The following HYDIN variants were observed in gnomAD, a reference collection of about 807,000 sequenced individuals.
HYDIN encodes axonemal central pair apparatus protein HYDIN.
HYDIN carries 132 observed loss-of-function variants against 403.9 expected under a neutral mutation model. The ratio of observed to expected loss-of-function variants is 0.33; its 90% CI spans 0.28 to 0.38. HYDIN has a LOEUF of 0.38. Ranked by LOEUF, HYDIN falls within the 10% of genes least tolerant of loss-of-function variation. The pLI is 1.00. For missense variants in HYDIN, 2,827 were observed against 5,009.5 expected (o/e 0.56, Z 13.15); for synonymous variants, 1,202 against 1,891.7 (o/e 0.64, Z 9.46).
chr16:70,837,465 G>A (rs2143531182), intron 77 of HYDIN, among the ~76,000 whole-genome samples: 1 of 152,248 alleles, frequency 6.6e-6, no homozygotes, highest in Non-Finnish European at 1.5e-5. Context: ...ATACAGTAAA[G>A]TTTGGTATTG....
intron 45 of HYDIN, among the ~76,000 whole-genome samples, chr16:70,929,032 G>A (rs1027228857): frequency 1.3e-5 from 2 of 152,162 alleles, no homozygotes; most frequent in African/African-American, 4.8e-5. Flanking sequence ...GCTCACACCT[G>A]TAATCCCAGC....
At chr16:70,855,680 T>C (rs577970402) in intron 72 of HYDIN, among the ~76,000 whole-genome samples, 2 of 152,404 alleles carry the variant, frequency 1.3e-5, no homozygotes, top group Non-Finnish European at 2.9e-5. Flanking sequence ...AATAGACCTT[T>C]GGTATTGGCA....
intron 14 of HYDIN, among the ~76,000 whole-genome samples, chr16:71,068,695 C>T (rs896289460): frequency 1.3e-5 from 2 of 152,192 alleles, no homozygotes; most frequent in African/African-American, 4.8e-5. Context: ...AGGCAAAGCA[C>T]TATCCTGATT....
chr16:71,011,475 G>C (rs1383438451), intron 23 of HYDIN, among the ~76,000 whole-genome samples: 1 of 151,816 alleles, frequency 6.6e-6, no homozygotes, highest in Non-Finnish European at 1.5e-5. Context: ...GGGAGACTGA[G>C]GTAGGAGGAT....
intron 61 of HYDIN, 40 bp downstream of exon 61, chr16:70,879,565 C>G (rs1449739737): frequency 3.2e-5 from 51 of 1,608,456 alleles, no homozygotes; most frequent in Non-Finnish European, 4.2e-5. Flanking sequence ...GGCCTGCAGT[C>G]CTGCTGCAGG....
At chr16:70,967,590 C>T (rs2078616766) in intron 36 of HYDIN, among the ~76,000 whole-genome samples, 1 of 152,170 alleles carries the variant, frequency 6.6e-6, no homozygotes, top group Non-Finnish European at 1.5e-5. Flanking sequence ...CATGCCATTC[C>T]CCCGCCTCAG....
chr16:70,883,031 G>T, intron 59 of HYDIN, 136 bp from the exon 60 acceptor site: 1 of 670,650 alleles, frequency 1.5e-6, no homozygotes, highest in Admixed American at 2.3e-5. Flanking sequence ...AAGGGGGTGT[G>T]AGGGATGGGA....
chr16:71,048,610 A>G (rs9939132), intron 18 of HYDIN, among the ~76,000 whole-genome samples: 53,860 of 144,654 alleles, frequency 0.37, 10,000 homozygotes, highest in Non-Finnish European at 0.45. Flanking sequence ...TATTAAGGCA[A>G]AGATAAAAAA....
chr16:70,928,483 A>C (rs1193933959), intron 45 of HYDIN, among the ~76,000 whole-genome samples: 2 of 151,832 alleles, frequency 1.3e-5, no homozygotes, highest in Admixed American at 6.6e-5. Context: ...AACAAAAAAC[A>C]GGGTCAATGG....
chr16:70,983,888 AC>A (rs1319926912), intron 28 of HYDIN, among the ~76,000 whole-genome samples: 1 of 152,030 alleles, frequency 6.6e-6, no homozygotes, highest in Non-Finnish European at 1.5e-5. Context: ...GTAAATATTA[AC>A]ATGTATAAAA....
chr16:71,180,470 C>CA (rs1325456005), intron 3 of HYDIN, among the ~76,000 whole-genome samples: 4 of 151,814 alleles, frequency 2.6e-5, no homozygotes, highest in Non-Finnish European at 5.9e-5. Context: ...GAAACTGTCC[C>CA]AAAGAAAAGA....
chr16:71,197,383 T>G (rs1193986229), intron 1 of HYDIN, among the ~76,000 whole-genome samples: 1 of 152,218 alleles, frequency 6.6e-6, no homozygotes, highest in Non-Finnish European at 1.5e-5. Flanking sequence ...TCCAACAGAA[T>G]TTTGACCTTG....
intron 10 of HYDIN, among the ~76,000 whole-genome samples, chr16:71,102,525 A>ATTTGCATTATCAGCTC (rs1252638309): frequency 5.3e-5 from 8 of 151,390 alleles, no homozygotes; most frequent in Non-Finnish European, 1.2e-4. Context: ...TCATTATCTA[A>ATTTGCATTATCAGCTC]ATGAAAACAA....
intron 49 of HYDIN, among the ~76,000 whole-genome samples, chr16:70,907,976 T>C (rs2076581374): frequency 6.6e-6 from 1 of 152,168 alleles, no homozygotes; most frequent in African/African-American, 2.4e-5. Flanking sequence ...ATTTGCTTAA[T>C]AGTTAAATGA....
At chr16:70,931,599 G>A (rs1373994063) in intron 45 of HYDIN, among the ~76,000 whole-genome samples, 2 of 151,618 alleles carry the variant, frequency 1.3e-5, no homozygotes, top group Non-Finnish European at 2.9e-5. Flanking sequence ...GGTGATTTGC[G>A]TGCATATTCA....
At chr16:71,226,949 AT>A (rs887072389) in intron 1 of HYDIN, among the ~76,000 whole-genome samples, 12 of 152,088 alleles carry the variant, frequency 7.9e-5, no homozygotes, top group African/African-American at 2.7e-4. Flanking sequence ...CAGCACCCAA[AT>A]AAAGCCTTCT....
chr16:71,087,149 C>A (rs1512622), intron 12 of HYDIN, among the ~76,000 whole-genome samples: 2 of 152,168 alleles, frequency 1.3e-5, no homozygotes, highest in African/African-American at 4.8e-5. Context: ...TTGTGACAGG[C>A]TGCTTTGGTC....
At chr16:71,045,228 C>T (rs1375561003) in intron 18 of HYDIN, among the ~76,000 whole-genome samples, 2 of 152,070 alleles carry the variant, frequency 1.3e-5, no homozygotes, top group African/African-American at 4.8e-5. Context: ...TGGTTTTTTC[C>T]TTTTGTGTTG....
chr16:70,921,789 A>G (rs2077002055), intron 45 of HYDIN, among the ~76,000 whole-genome samples: 1 of 152,238 alleles, frequency 6.6e-6, no homozygotes, highest in African/African-American at 2.4e-5. Context: ...ATTGTATACA[A>G]TGGATATTGA....
Sources: allele counts gnomAD v4.1 joint callset (sites outside exome capture counted in the v4.1 genomes callset), GRCh38; gene constraint gnomAD v4.1.1; transcripts MANE v1.5; gene names NCBI Gene and HGNC (gene_info 2026-07-23, HGNC 2026-07-21).